The following FAM13A variants were observed in gnomAD, a reference collection of about 807,000 sequenced individuals.
FAM13A encodes the protein family with sequence similarity 13 member A, also known as protein FAM13A.
A neutral mutation model predicts 129.6 loss-of-function variants in FAM13A; 76 were observed. The observed-to-expected ratio is 0.59, with a 90% CI of 0.49 to 0.71. FAM13A has a LOEUF of 0.71. Among genes scored for constraint, FAM13A ranks in the 30% least tolerant of loss-of-function variants. FAM13A has a pLI of 0.00. For missense variants in FAM13A, 1,108 were observed against 1,249.3 expected, an observed-to-expected ratio of 0.89 and a Z score of 1.70; for synonymous variants, 443 against 449.9, an observed-to-expected ratio of 0.98 and a Z score of 0.20.
At chr4:89,040,593 G>T (rs1209848528) in intron 1 of FAM13A, among the ~76,000 whole-genome samples, 2 of 152,186 alleles carry the variant, frequency 1.3e-5, no homozygotes, top group African/African-American at 4.8e-5. Context: ...TGAAATTAGG[G>T]AACTTGAGTT....
chr4:89,015,425 C>T (rs577403256), intron 3 of FAM13A, among the ~76,000 whole-genome samples: 3 of 152,216 alleles, frequency 2.0e-5, no homozygotes, highest in South Asian at 2.1e-4. Context: ...GTGATGTCTC[C>T]CCCGGACACC....
At chr4:88,921,038 A>T (rs1216507303) in intron 5 of FAM13A, among the ~76,000 whole-genome samples, 1 of 152,220 alleles carries the variant, frequency 6.6e-6, no homozygotes, top group Non-Finnish European at 1.5e-5. Flanking sequence ...CCCCCAAGAA[A>T]TATGGGACTA....
chr4:88,932,667 A>T (rs1382919427), intron 5 of FAM13A, among the ~76,000 whole-genome samples: 1 of 152,238 alleles, frequency 6.6e-6, no homozygotes, highest in Admixed American at 6.5e-5. Flanking sequence ...TTTCTGTGAT[A>T]TATCAGTTTA....
chr4:89,007,163 C>G (rs973867452), intron 3 of FAM13A, among the ~76,000 whole-genome samples: 6 of 152,148 alleles, frequency 3.9e-5, no homozygotes, highest in African/African-American at 1.2e-4. Context: ...TTAAAAATGC[C>G]TACAAAGTTT....
intron 6 of FAM13A, among the ~76,000 whole-genome samples, chr4:88,882,394 G>C (rs1471119079): frequency 1.3e-5 from 2 of 152,048 alleles, no homozygotes; most frequent in Non-Finnish European, 2.9e-5. Context: ...CTTCATAAAG[G>C]AAGGAAAGTT....
chr4:89,031,553 G>T (rs1231722973), intron 1 of FAM13A, among the ~76,000 whole-genome samples: 2 of 152,142 alleles, frequency 1.3e-5, no homozygotes, highest in Non-Finnish European at 2.9e-5. Context: ...TTATGTAAAG[G>T]AGTAAGAACA....
At chr4:88,772,568 A>G (rs1274762941) in intron 11 of FAM13A, among the ~76,000 whole-genome samples, 2 of 152,232 alleles carry the variant, frequency 1.3e-5, no homozygotes, top group Non-Finnish European at 2.9e-5. Context: ...TTCACCAGGT[A>G]CAGACACTTC....
At chr4:89,052,274 CTT>C (rs55740292) in intron 1 of FAM13A, among the ~76,000 whole-genome samples, 23 of 144,472 alleles carry the variant, frequency 1.6e-4, no homozygotes, top group African/African-American at 2.0e-4. Flanking sequence ...TTTCTTTTTT[CTT>C]TTTTCTTTTA....
intron 14 of FAM13A, among the ~76,000 whole-genome samples, chr4:88,758,450 A>G (rs1744139468): frequency 6.6e-6 from 1 of 151,688 alleles, no homozygotes; most frequent in Non-Finnish European, 1.5e-5. Flanking sequence ...TGGTACTATG[A>G]GGGGGAAAAG....
rs1298280798 is a variant in FAM13A at position 88,727,569 on chromosome 4, CTCAGGAG to C, written c.*957_*963del. On this transcript the variant is annotated 3_prime_UTR_variant, in exon 24 of 24. Transcript: ENST00000264344. ...TAAAAAAATTAAACTCTGGTAAGTA[CTCAGGAG>C]GCTGAGAACACAGGCCCCTTCTCTC... is the stretch of plus-strand genomic sequence containing the variant. 6.6e-6 allele frequency: 1 copy of C among 152,422 alleles called. No individual in the cohort carries two copies. The highest frequency in any genetic ancestry group is 6.5e-5 in the Admixed American group (1 of 15,268). 9.4% of individuals were successfully genotyped at this position (152,422 alleles called of 1,614,324 possible).
chr4:89,026,416 A>C (rs1265682529), intron 2 of FAM13A, among the ~76,000 whole-genome samples: 1 of 152,252 alleles, frequency 6.6e-6, no homozygotes, highest in Non-Finnish European at 1.5e-5. Context: ...AATTCTACGG[A>C]GTAAGAACAG....
chr4:88,924,983 T>C (rs1485841191), intron 5 of FAM13A, among the ~76,000 whole-genome samples: 2 of 150,580 alleles, frequency 1.3e-5, no homozygotes, highest in Admixed American at 1.3e-4. Flanking sequence ...ATCAGAGAAA[T>C]GCAAATCAAA....
At chr4:88,746,331 C>A (rs1741331820) in intron 19 of FAM13A, among the ~76,000 whole-genome samples, 1 of 152,204 alleles carries the variant, frequency 6.6e-6, no homozygotes, top group Admixed American at 6.5e-5. Context: ...CCACAGCTAA[C>A]AACAAACATT....
intron 5 of FAM13A, among the ~76,000 whole-genome samples, chr4:88,911,475 A>C (rs1345955663): frequency 6.6e-6 from 1 of 152,076 alleles, no homozygotes; most frequent in African/African-American, 2.4e-5. Flanking sequence ...CTCTTCTCAA[A>C]CCCCTTTCTT....
Position 88,909,493 on chromosome 4 carries a change from A to AT in FAM13A, c.760-3032dup, listed in dbSNP as rs201649723. The stretch of plus-strand genomic sequence containing the variant: ...GGGTCTGATGTACATGAGGTTTTTT[A>AT]TTTTTTTTTTTTGAGATGGAGTCTC... On this transcript the variant is annotated intron_variant, in intron 5 of 23. Transcript: ENST00000264344. 2.4e-3 allele frequency among the ~76,000 whole-genome samples: 341 copies of AT among 144,790 alleles called. 3 individuals carry two copies. Among genetic ancestry groups the AT allele is most frequent in the Middle Eastern group, 7.0e-3 (2 of 284 alleles). 95.0% of individuals were successfully genotyped at this position (144,790 alleles called of 152,430 possible). A position where few individuals can be genotyped will look rare whatever the true frequency, so the allele number is the denominator to read the frequency against.
intron 5 of FAM13A, among the ~76,000 whole-genome samples, chr4:88,923,378 G>A (rs1414553335): frequency 6.6e-6 from 1 of 152,090 alleles, no homozygotes; most frequent in African/African-American, 2.4e-5. Context: ...TTCATCCCTG[G>A]GATGCAAGGC....
chr4:88,843,883 G>A (rs978527983), intron 7 of FAM13A, among the ~76,000 whole-genome samples: 6 of 152,166 alleles, frequency 3.9e-5, no homozygotes, highest in South Asian at 2.1e-4. Flanking sequence ...GAGAGCGCAC[G>A]GCTGTCCTGG....
intron 7 of FAM13A, among the ~76,000 whole-genome samples, chr4:88,842,691 A>G (rs1214339941): frequency 6.6e-6 from 1 of 152,262 alleles, no homozygotes; most frequent in African/African-American, 2.4e-5. Flanking sequence ...AGATCACAGG[A>G]GTCCAGATAT....
At chr4:88,791,206 G>A (rs1725067856) in intron 8 of FAM13A, among the ~76,000 whole-genome samples, 1 of 151,484 alleles carries the variant, frequency 6.6e-6, no homozygotes, top group Non-Finnish European at 1.5e-5. Context: ...AGGATGGAAA[G>A]CATCTCAAGC....
Sources: gnomAD v4.1 joint callset for allele counts (sites outside exome capture counted in the v4.1 genomes callset) on GRCh38, gnomAD v4.1.1 for gene constraint, MANE v1.5 for transcripts, NCBI Gene and HGNC (gene_info 2026-07-23, HGNC 2026-07-21) for gene names.